The following DNTTIP1 variants were observed in gnomAD, a reference collection of about 807,000 sequenced individuals.
The protein encoded by DNTTIP1 is deoxynucleotidyltransferase terminal interacting protein 1.
Under a neutral mutation model 52.9 loss-of-function variants are expected in DNTTIP1, and 22 were observed. That is an observed-to-expected ratio of 0.42 (90% CI 0.30 to 0.59). The LOEUF (loss-of-function observed/expected upper bound fraction) is 0.59, where lower values mean the gene tolerates loss of function less well. Ranked by LOEUF, DNTTIP1 falls within the 20% of genes least tolerant of loss-of-function variation. The pLI is 0.22. For missense variants in DNTTIP1, 286 were observed against 435.5 expected (o/e 0.66, Z 3.06); for synonymous variants, 136 against 155.1 (o/e 0.88, Z 0.92).
chr20:45,797,624 C>G (rs959796336), intron 4 of DNTTIP1, among the ~76,000 whole-genome samples: 6 of 152,104 alleles, frequency 3.9e-5, no homozygotes, highest in Non-Finnish European at 8.8e-5. Context: ...TGAACTCTAA[C>G]AAATTTACAA....
At chr20:45,807,283 G>A (rs1383220437) in intron 10 of DNTTIP1, among the ~76,000 whole-genome samples, 3 of 151,854 alleles carry the variant, frequency 2.0e-5, no homozygotes, top group Non-Finnish European at 4.4e-5. Context: ...CACCATGCCC[G>A]GCTAATTTTT....
chr20:45,792,276 G>C (rs181409048), intron 1 of DNTTIP1, among the ~76,000 whole-genome samples, 167 bp downstream of exon 1: 177 of 152,322 alleles, frequency 1.2e-3, no homozygotes, highest in African/African-American at 4.2e-3. Context: ...CTCCTAGCTA[G>C]GTGACGTGGG....
chr20:45,800,992 T>TG, intron 4 of DNTTIP1, 82 bp from the exon 5 acceptor site: 1 of 1,155,246 alleles, frequency 8.7e-7, no homozygotes, highest in Non-Finnish European at 1.3e-6. Context: ...AGACTCTGTC[T>TG]CCAAAAAAAA....
chr20:45,796,925 G>T (rs1981258910), intron 4 of DNTTIP1, among the ~76,000 whole-genome samples: 1 of 152,040 alleles, frequency 6.6e-6, no homozygotes, highest in African/African-American at 2.4e-5. Context: ...CAACCTCATT[G>T]CCTACTCTTC....
rs920922450 is a variant in DNTTIP1 at position 45,809,211 on chromosome 20, G to T, written c.795+26G>T. On this transcript the variant is annotated intron_variant, in intron 11 of 12. Coordinates refer to ENST00000372622, the MANE Select transcript of DNTTIP1 (RefSeq NM_052951.3). This position sits in a 1 kb window ranked among gnomAD's most constrained non-coding sequence, Gnocchi z 4.2. ...GTAAGCATTATTCATTTGTGCCACT[G>T]CCAGTGACCCACCCCACCTGGGAAC... 1 of 1,608,262 alleles carries T rather than the reference G, an allele frequency of 6.2e-7. No homozygotes were observed. The highest frequency in any genetic ancestry group is 8.5e-7 in the Non-Finnish European group (1 of 1,175,420).
chr20:45,796,206 A>G (rs560029938), intron 4 of DNTTIP1, among the ~76,000 whole-genome samples: 77 of 152,318 alleles, frequency 5.1e-4, no homozygotes, highest in African/African-American at 1.6e-3. Context: ...TGCTAAGACC[A>G]TAGATCTTAA....
intron 5 of DNTTIP1, 63 bp from the exon 6 acceptor site, chr20:45,801,339 C>T: frequency 2.5e-6 from 4 of 1,573,786 alleles, no homozygotes; most frequent in East Asian, 2.2e-5. Flanking sequence ...TCTTCTGCAA[C>T]TCCAGAAGAC....
chr20:45,805,125 G>C, intron 8 of DNTTIP1, 21 bp from the exon 9 acceptor site: 1 of 1,612,506 alleles, frequency 6.2e-7, no homozygotes, highest in Non-Finnish European at 8.5e-7. Context: ...ACCCTCACGA[G>C]CTTCTCTATT....
intron 7 of DNTTIP1, 82 bp from the exon 8 acceptor site, chr20:45,803,251 A>G: frequency 7.2e-7 from 1 of 1,385,546 alleles, no homozygotes; most frequent in South Asian, 1.2e-5. Flanking sequence ...TGTGTGAGGA[A>G]CTCCTACCAC....
chr20:45,806,532 G>A (rs1272291502), intron 10 of DNTTIP1, among the ~76,000 whole-genome samples: 3 of 152,286 alleles, frequency 2.0e-5, no homozygotes, highest in African/African-American at 4.8e-5. Context: ...CGAGAGCATC[G>A]AAGTAGATTA....
At chr20:45,792,818 C>A in intron 2 of DNTTIP1, 71 bp downstream of exon 2, 1 of 1,420,742 alleles carries the variant, frequency 7.0e-7, no homozygotes, top group Non-Finnish European at 9.7e-7. Flanking sequence ...ATCCCCAGTG[C>A]ACAAGGCTAT....
At chr20:45,803,007 T>TCTC in intron 7 of DNTTIP1, 1 of 281,534 alleles carries the variant, frequency 3.6e-6, no homozygotes, top group South Asian at 5.4e-5. Context: ...CTTAGATGTG[T>TCTC]CTCCTACACG....
At chr20:45,805,054 G>A (rs1981587774) in intron 8 of DNTTIP1, 92 bp from the exon 9 acceptor site, 6 of 1,087,702 alleles carry the variant, frequency 5.5e-6, no homozygotes, top group Non-Finnish European at 8.5e-6. Context: ...ATAGACAAGG[G>A]GAAGGGTTAG....
intron 4 of DNTTIP1, 108 bp downstream of exon 4, chr20:45,795,551 C>T: frequency 1.5e-6 from 1 of 660,926 alleles, no homozygotes; most frequent in Non-Finnish European, 2.5e-6. Context: ...GTAATCCCAG[C>T]ACTGTGGGAG....
At chr20:45,794,334 A>G (rs1352139738) in intron 3 of DNTTIP1, among the ~76,000 whole-genome samples, 2 of 151,950 alleles carry the variant, frequency 1.3e-5, no homozygotes, top group Non-Finnish European at 2.9e-5. Flanking sequence ...TTTTTAGTAG[A>G]GACGGGGTTT....
At position 45,809,165 on chromosome 20, in the gene DNTTIP1, C is replaced by T. The variant is rs767661063; in HGVS notation, c.775C>T (p.Arg259Trp). The T allele has an allele frequency of 6.2e-6, 10 of 1,613,906 alleles. No individual in the cohort carries two copies. Among genetic ancestry groups the T allele is most frequent in the Admixed American group, 3.3e-5 (2 of 60,000 alleles). ...CTGGCTGGCTGAGCAGCATCACATGCGGGCAACAGGGGGCAAGATGGTAAG... is the reference window on the plus strand; with the variant it reads ...CTGGCTGGCTGAGCAGCATCACATGTGGGCAACAGGGGGCAAGATGGTAAG... ...KHWLAEQHHM[R>W]ATGGKMAYLL... Residue 259 changes from arginine to tryptophan, a missense_variant, in exon 11 of 13, where the codon CGG becomes TGG. Around this residue, in one of 2 missense-constraint regions of DNTTIP1, gnomAD observed 78 missense variants for 169.0 expected, o/e 0.46. Transcript: ENST00000372622. This position sits in a 1 kb window ranked among gnomAD's most constrained non-coding sequence, Gnocchi z 4.2.
chr20:45,805,267 A>C (rs1306162975), intron 9 of DNTTIP1, 39 bp from the exon 10 acceptor site: 1 of 1,614,156 alleles, frequency 6.2e-7, no homozygotes, highest in Admixed American at 1.7e-5. Context: ...GTAGGACTAC[A>C]CTTTCTGGAA....
At chr20:45,803,231 A>G in intron 7 of DNTTIP1, 102 bp from the exon 8 acceptor site, 2 of 1,169,790 alleles carry the variant, frequency 1.7e-6, no homozygotes, top group South Asian at 2.6e-5. Flanking sequence ...GTCCAGGGCT[A>G]AAGTGAGAGT....
chr20:45,801,941 A>T, intron 6 of DNTTIP1, 58 bp from the exon 7 acceptor site: 1 of 1,543,914 alleles, frequency 6.5e-7, no homozygotes, highest in Non-Finnish European at 9.0e-7. Flanking sequence ...TGGACCTGCC[A>T]ATGGGGTATG....
Sources: allele counts gnomAD v4.1 joint callset (sites outside exome capture counted in the v4.1 genomes callset), GRCh38; gene constraint gnomAD v4.1.1; regional missense constraint gnomAD v4.1.1; non-coding constraint Gnocchi (gnomAD v3.1); transcripts MANE v1.5; gene names NCBI Gene and HGNC (gene_info 2026-07-23, HGNC 2026-07-21).